The following CHIC2 variants were observed in gnomAD, a reference collection of about 807,000 sequenced individuals.
The protein encoded by CHIC2 is cysteine rich hydrophobic domain 2.
Under a neutral mutation model 25.9 loss-of-function variants are expected in CHIC2, and 14 were observed. The ratio of observed to expected loss-of-function variants is 0.54; its 90% CI spans 0.36 to 0.85. CHIC2 has a LOEUF of 0.85. Among genes scored for constraint, CHIC2 ranks in the 40% least tolerant of loss-of-function variants. The probability of loss-of-function intolerance (pLI) is 0.01; values close to 1 mark genes in which losing one functional copy is unlikely to be tolerated. For missense variants in CHIC2, 146 were observed against 202.0 expected (o/e 0.72, Z 1.68); for synonymous variants, 70 against 72.0 (o/e 0.97, Z 0.14).
chr4:54,014,232 G>C, intron 3 of CHIC2, 113 bp from the exon 4 acceptor site: 1 of 777,064 alleles, frequency 1.3e-6, no homozygotes. Context: ...TGAGTATAGT[G>C]TGGTGTGCAT....
At chr4:54,050,599 C>G (rs1259195581) in intron 1 of CHIC2, among the ~76,000 whole-genome samples, 2 of 152,044 alleles carry the variant, frequency 1.3e-5, no homozygotes. Flanking sequence ...GAAGGTGGTC[C>G]CACAAGATTT....
chr4:54,038,894 A>G (rs1019288901), intron 3 of CHIC2, among the ~76,000 whole-genome samples: 1 of 152,136 alleles, frequency 6.6e-6, no homozygotes, highest in Non-Finnish European at 1.5e-5. Flanking sequence ...ACAGTAAACT[A>G]GACATTATGA....
At chr4:54,086,271 TCAAG>T in the CHIC2 span, among the ~76,000 whole-genome samples, 8 of 152,092 alleles carry the variant, frequency 5.3e-5, no homozygotes, top group Admixed American at 3.9e-4. Flanking sequence ...GGCTCTGCCC[TCAAG>T]CAGAGGGGCA....
chr4:54,064,459 G>A lies in CHIC2; in HGVS notation c.-159C>T, dbSNP rs2110097694. The A allele has an allele frequency of 1.3e-6, 2 of 1,490,138 alleles. No individual in the cohort carries two copies. 92.3% of individuals were successfully genotyped at this position (1,490,138 alleles called of 1,614,324 possible). On this transcript the variant is annotated 5_prime_UTR_variant, in exon 1 of 6. Coordinates refer to ENST00000263921, the MANE Select transcript of CHIC2 (RefSeq NM_012110.4). This position sits in a 1 kb window ranked among gnomAD's most constrained non-coding sequence, Gnocchi z 4.2. The stretch of plus-strand genomic sequence containing the variant: ...GCTGTCTCGGCTCCGGCTACAGAGG[G>A]GATGGGGTCTGGACCGTCGCCGCCA...
chr4:54,048,631 G>A (rs890407841), intron 3 of CHIC2, among the ~76,000 whole-genome samples: 1 of 151,958 alleles, frequency 6.6e-6, no homozygotes, highest in Non-Finnish European at 1.5e-5. Flanking sequence ...GTTAGGAAAC[G>A]TGCCTAAGGT....
chr4:54,089,392 CATATATAT>C, the CHIC2 span, among the ~76,000 whole-genome samples: 2 of 145,142 alleles, frequency 1.4e-5, no homozygotes, highest in African/African-American at 2.5e-5. Flanking sequence ...CACCACATTC[CATATATAT>C]ATATATATAT....
In CHIC2 at chr4:54,014,123, G is replaced by T. The variant is rs775898443; in HGVS notation, c.331-4C>A. ...ACTTCTCAATCGATCTTCGTGTCTG[G>T]AAGACAAATGAGAAAAAAGTTTACT... On this transcript the variant is annotated splice_polypyrimidine_tract_variant and splice_region_variant and intron_variant, in intron 3 of 5. Transcript: ENST00000263921. 1.2e-6 allele frequency: 2 copies of T among 1,612,772 alleles called. No homozygotes were observed. Among genetic ancestry groups the T allele is most frequent in the South Asian group, 2.2e-5 (2 of 91,002 alleles).
intron 3 of CHIC2, among the ~76,000 whole-genome samples, chr4:54,036,209 G>C (rs1310006784): frequency 6.6e-6 from 1 of 152,214 alleles, no homozygotes; most frequent in Non-Finnish European, 1.5e-5. Context: ...ATTAGGTTAA[G>C]TTGGCTGACA....
At chr4:54,043,338 G>A (rs531556188) in intron 3 of CHIC2, among the ~76,000 whole-genome samples, 10 of 150,918 alleles carry the variant, frequency 6.6e-5, no homozygotes, top group East Asian at 2.0e-4. Context: ...GGAGAATGGC[G>A]TGAACACGGG....
upstream of CHIC2, among the ~76,000 whole-genome samples, chr4:54,066,959 A>G (rs1011642654): frequency 6.6e-6 from 1 of 152,234 alleles, no homozygotes; most frequent in Non-Finnish European, 1.5e-5. Flanking sequence ...AAATCATCAC[A>G]TAGCTGACAA....
the CHIC2 span, among the ~76,000 whole-genome samples, chr4:54,074,308 T>C: frequency 6.6e-6 from 1 of 152,206 alleles, no homozygotes; most frequent in African/African-American, 2.4e-5. Context: ...TTTTCACTTT[T>C]AAGATCTGAG....
At chr4:54,024,976 C>T (rs572017904) in intron 3 of CHIC2, among the ~76,000 whole-genome samples, 40 of 152,218 alleles carry the variant, frequency 2.6e-4, no homozygotes, top group Non-Finnish European at 4.9e-4. Context: ...GTTCCCACGC[C>T]GCCCCTAATC....
At chr4:54,052,123 C>CCTT (rs138811117) in intron 1 of CHIC2, among the ~76,000 whole-genome samples, 56,457 of 151,772 alleles carry the variant, frequency 0.37, 11,031 homozygotes, top group African/African-American at 0.47. Flanking sequence ...CCTGCCAAAA[C>CCTT]CTTTTTTTTT....
intron 3 of CHIC2, among the ~76,000 whole-genome samples, chr4:54,033,519 T>A (rs1476219468): frequency 6.6e-6 from 1 of 152,182 alleles, no homozygotes; most frequent in Non-Finnish European, 1.5e-5. Context: ...AACGGAAATT[T>A]TTAACTTTTA....
chr4:54,088,549 A>C, the CHIC2 span, among the ~76,000 whole-genome samples: 1 of 152,044 alleles, frequency 6.6e-6, no homozygotes, highest in Non-Finnish European at 1.5e-5. Flanking sequence ...ACAGAGGGGA[A>C]GGCTAGAGAG....
At chr4:54,047,422 G>A (rs959376358) in intron 3 of CHIC2, among the ~76,000 whole-genome samples, 32 of 152,154 alleles carry the variant, frequency 2.1e-4, no homozygotes, top group African/African-American at 7.7e-4. Flanking sequence ...ATGGTAGACT[G>A]GATTAAGAAA....
chr4:54,084,788 T>C, the CHIC2 span, among the ~76,000 whole-genome samples: 1 of 151,302 alleles, frequency 6.6e-6, no homozygotes, highest in African/African-American at 2.4e-5. Context: ...AAAATTAGAG[T>C]ATACTCAAAA....
At chr4:54,083,027 T>C in the CHIC2 span, among the ~76,000 whole-genome samples, 1 of 133,178 alleles carries the variant, frequency 7.5e-6, no homozygotes, top group Admixed American at 7.4e-5. Flanking sequence ...TCTTTTTTTT[T>C]TTTTTTTTTT....
At chr4:54,081,719 C>CTGT in the CHIC2 span, among the ~76,000 whole-genome samples, 142 of 151,826 alleles carry the variant, frequency 9.4e-4, no homozygotes, top group African/African-American at 2.2e-3. Context: ...TTGCTTGTTG[C>CTGT]TGTTGTTGTT....
Sources: allele counts gnomAD v4.1 joint callset (sites outside exome capture counted in the v4.1 genomes callset), GRCh38; gene constraint gnomAD v4.1.1; non-coding constraint Gnocchi (gnomAD v3.1); transcripts MANE v1.5; gene names NCBI Gene and HGNC (gene_info 2026-07-23, HGNC 2026-07-21).